PSPC1: variants seen among roughly 807,000 people sequenced by gnomAD.
PSPC1 encodes the protein paraspeckle component 1.
In PSPC1, 14 loss-of-function variants were observed where a neutral mutation model predicts 51.6. The observed-to-expected ratio is 0.27, with a 90% CI of 0.18 to 0.42. The LOEUF is 0.42. Among genes scored for constraint, PSPC1 ranks in the 10% least tolerant of loss-of-function variants. The pLI is 1.00. For synonymous variants in PSPC1, 193 were observed against 231.9 expected (o/e 0.83, Z 1.53); for missense variants, 406 against 701.1 (o/e 0.58, Z 4.75).
rs1876815536 is a variant in PSPC1, at chr13:19,677,644, GGAA to G, written c.*76+77_*76+79del. The G allele has an allele frequency of 1.9e-4, 79 of 405,778 alleles. 1 individual carries two copies. The highest frequency in any genetic ancestry group is 1.4e-3 in the South Asian group (77 of 56,138). 25.1% of individuals were successfully genotyped at this position (405,778 alleles called of 1,614,324 possible). On this transcript the variant is annotated intron_variant and NMD_transcript_variant, in intron 7 of 7. Transcript: ENST00000471658. ...ATTACAGTCCACAGAATCAGAATCA[GGAA>G]GAATTGACTAGAAAAAACTAGGAAG...
Position 19,703,272 on chromosome 13 carries a change from A to G in PSPC1, c.1475T>C (p.Met492Thr). 3.1e-6 allele frequency: 5 copies of G among 1,614,150 alleles called. No individual in the cohort carries two copies. The highest frequency in any genetic ancestry group is 4.2e-6 in the Non-Finnish European group (5 of 1,179,978). ...RTGSETPQAP[M>T]SGVGPVSGGP... ...ACCACTCACAGGACCTACACCACTC[A>G]TTGGTGCTTGAGGGGTTTCAGAACC... Residue 492 changes from methionine (M) to threonine (T), a missense_variant, in exon 9 of 9, where the codon ATG becomes ACG. Around this residue, in one of 5 missense-constraint regions of PSPC1, gnomAD observed 34 missense variants for 158.6 expected, o/e 0.21. Coordinates refer to ENST00000338910, the MANE Select transcript of PSPC1 (RefSeq NM_001354909.2).
chr13:19,779,266 T>G (rs1889592210), intron 1 of PSPC1, among the ~76,000 whole-genome samples: 1 of 38,896 alleles, frequency 2.6e-5, no homozygotes, highest in African/African-American at 5.5e-5. Flanking sequence ...AGCCACCCCG[T>G]CCGGGAGGGA....
intron 4 of PSPC1, among the ~76,000 whole-genome samples, chr13:19,747,282 C>T (rs556575329): frequency 9.2e-5 from 14 of 152,018 alleles, no homozygotes; most frequent in Non-Finnish European, 1.9e-4. Flanking sequence ...AAATATAAGG[C>T]GGATATTTAC....
At chr13:19,772,564 T>C (rs769836902) in intron 1 of PSPC1, 21 bp from the exon 2 acceptor site, 14 of 1,561,736 alleles carry the variant, frequency 9.0e-6, no homozygotes, top group South Asian at 8.3e-5. Context: ...AGAAAAAACA[T>C]TTTTAAAAGA....
intron 4 of PSPC1, among the ~76,000 whole-genome samples, chr13:19,742,337 C>T (rs1885521209): frequency 6.6e-6 from 1 of 151,634 alleles, no homozygotes; most frequent in Non-Finnish European, 1.5e-5. Context: ...GGTAGGCTGG[C>T]TTGTGCCTGT....
intron 1 of PSPC1, among the ~76,000 whole-genome samples, chr13:19,777,801 C>A (rs1322197117): frequency 6.6e-6 from 1 of 152,002 alleles, no homozygotes; most frequent in Admixed American, 6.6e-5. Context: ...CAAAAATTAG[C>A]CAGGCCTGGT....
intron 8 of PSPC1, among the ~76,000 whole-genome samples, chr13:19,705,119 A>G (rs1288282550): frequency 1.3e-5 from 2 of 152,246 alleles, no homozygotes; most frequent in Non-Finnish European, 2.9e-5. Flanking sequence ...ACAGAAAAAT[A>G]TCTGTAATTA....
intron 1 of PSPC1, among the ~76,000 whole-genome samples, chr13:19,779,999 G>A (rs1593798408): frequency 6.8e-6 from 1 of 146,048 alleles, no homozygotes; most frequent in African/African-American, 2.5e-5. Flanking sequence ...CCCCGTCCGG[G>A]AGGGAGGTGG....
intron 6 of PSPC1, among the ~76,000 whole-genome samples, chr13:19,685,511 T>C (rs530721822): frequency 1.1e-4 from 17 of 152,276 alleles, no homozygotes; most frequent in Admixed American, 9.8e-4. Flanking sequence ...ATTCACAACT[T>C]AAGAAGGTCT....
At chr13:19,683,132 C>T (rs1381080743) in intron 6 of PSPC1, among the ~76,000 whole-genome samples, 1 of 151,826 alleles carries the variant, frequency 6.6e-6, no homozygotes, top group African/African-American at 2.4e-5. Context: ...TTCTAAGAAA[C>T]ATAAGCTACT....
At chr13:19,773,358 T>C (rs1159691029) in intron 1 of PSPC1, among the ~76,000 whole-genome samples, 1 of 150,326 alleles carries the variant, frequency 6.7e-6, no homozygotes, top group Non-Finnish European at 1.5e-5. Flanking sequence ...CAAGAGATTC[T>C]CCTGCCTTGG....
At chr13:19,779,988 G>T (rs1230410243) in intron 1 of PSPC1, among the ~76,000 whole-genome samples, 1 of 130,488 alleles carries the variant, frequency 7.7e-6, no homozygotes, top group African/African-American at 2.8e-5. Context: ...CCGGCCAGCC[G>T]CCCCGTCCGG....
At chr13:19,759,561 C>A in intron 2 of PSPC1, 143 bp from the exon 3 acceptor site, 1 of 655,532 alleles carries the variant, frequency 1.5e-6, no homozygotes, top group South Asian at 2.3e-5. Context: ...ATCATTTGTA[C>A]TCATAAAAAT....
chr13:19,679,585 C>G (rs1217721850), intron 6 of PSPC1, among the ~76,000 whole-genome samples: 1 of 152,124 alleles, frequency 6.6e-6, no homozygotes, highest in Non-Finnish European at 1.5e-5. Context: ...TGTCATTATT[C>G]CCTAAACAAT....
intron 2 of PSPC1, among the ~76,000 whole-genome samples, chr13:19,766,181 T>C (rs1888051467): frequency 6.6e-6 from 1 of 152,162 alleles, no homozygotes; most frequent in Non-Finnish European, 1.5e-5. Flanking sequence ...GAGACCAGCC[T>C]GGTCAACATA....
chr13:19,706,986 C>T (rs1880759463), intron 7 of PSPC1, among the ~76,000 whole-genome samples: 2 of 152,240 alleles, frequency 1.3e-5, no homozygotes, highest in South Asian at 4.1e-4. Context: ...AAGAATATTT[C>T]CGCTCCCTCA....
rs1879182164 is a variant in PSPC1 at position 19,696,021 on chromosome 13, A to G, written c.1159-18198T>C. Among the ~76,000 whole-genome samples the G allele has an allele frequency of 3.9e-5, 6 of 152,288 alleles. No individual in the cohort carries two copies. In the South Asian group the frequency reaches 1.0e-3, roughly 26 times the overall value. ...ATGTCGTAGACCTGGGCCTCCACGA[A>G]GCGAGGAATCTGACTCTGAACAGAA... On this transcript the variant is annotated intron_variant and NMD_transcript_variant, in intron 6 of 7. Transcript: ENST00000471658.
rs73166982 is a variant in PSPC1, at chr13:19,727,561, T to C, written c.1158+2678A>G. On this transcript the variant is annotated intron_variant, in intron 6 of 8. Coordinates refer to ENST00000338910, the MANE Select transcript of PSPC1 (RefSeq NM_001354909.2). ...TGGATATTTTTATGACATTAACATT[T>C]TCCCAAGAAGCAATGTTTACTCCAA... Among the ~76,000 whole-genome samples, 1,353 of 152,264 alleles carry C rather than the reference T, an allele frequency of 8.9e-3. 11 individuals are homozygous for C. Among genetic ancestry groups the C allele is most frequent in the Middle Eastern group, 0.048 (14 of 294 alleles).
chr13:19,728,437 T>G (rs1883617888), intron 6 of PSPC1, among the ~76,000 whole-genome samples: 1 of 83,720 alleles, frequency 1.2e-5, no homozygotes, highest in African/African-American at 6.2e-5. Context: ...TTTCAAAGCT[T>G]AAACACACAC....
Sources: gnomAD v4.1 joint callset for allele counts (sites outside exome capture counted in the v4.1 genomes callset) on GRCh38, gnomAD v4.1.1 for gene constraint, gnomAD v4.1.1 regional missense constraint, MANE v1.5 for transcripts, NCBI Gene and HGNC (gene_info 2026-07-23, HGNC 2026-07-21) for gene names.